The following PACRG variants were observed in gnomAD, a reference collection of about 807,000 sequenced individuals.
The protein encoded by PACRG is parkin coregulated.
PACRG carries 29 observed loss-of-function variants against 29.7 expected under a neutral mutation model. The ratio of observed to expected loss-of-function variants is 0.98; its 90% CI spans 0.73 to 1.33. The LOEUF is 1.33. Ranked by LOEUF, PACRG falls within the 40% of genes most tolerant of loss-of-function variation. The probability of loss-of-function intolerance (pLI) is 0.00; values close to 1 mark genes in which losing one functional copy is unlikely to be tolerated. For synonymous variants in PACRG, 116 were observed against 118.7 expected, an observed-to-expected ratio of 0.98 and a Z score of 0.15; for missense variants, 279 against 316.2, an observed-to-expected ratio of 0.88 and a Z score of 0.89.
At position 163,060,526 on chromosome 6, in the gene PACRG, T is replaced by C. The variant is rs77910689; in HGVS notation, c.292-1624T>C. Reference sequence around the variant, plus strand: ...ATATAAAAGGAAAGTAAAGTAAAACTGATGTCTGTATAAACCTACATTAGG... The same window carrying C: ...ATATAAAAGGAAAGTAAAGTAAAACCGATGTCTGTATAAACCTACATTAGG... On this transcript the variant is annotated intron_variant, in intron 2 of 4. Coordinates refer to ENST00000366888, the MANE Select transcript of PACRG (RefSeq NM_001080379.2). Among the ~76,000 whole-genome samples, 1,262 of 152,294 alleles carry C rather than the reference T, an allele frequency of 8.3e-3. 18 individuals are homozygous for C. Among genetic ancestry groups the C allele is most frequent in the African/African-American group, 0.029 (1,217 of 41,558 alleles).
At chr6:163,093,966 T>C (rs1195497430) in intron 4 of PACRG, among the ~76,000 whole-genome samples, 1 of 152,216 alleles carries the variant, frequency 6.6e-6, no homozygotes, top group Non-Finnish European at 1.5e-5. Context: ...TTCTAAGAAA[T>C]AGAAGTAATT....
chr6:163,261,836 G>T (rs1291355254), intron 4 of PACRG, among the ~76,000 whole-genome samples: 2 of 152,166 alleles, frequency 1.3e-5, no homozygotes, highest in African/African-American at 4.8e-5. Flanking sequence ...GGATACCAAA[G>T]GTTGTGCAGG....
intron 4 of PACRG, among the ~76,000 whole-genome samples, chr6:163,175,015 G>A (rs1779275623): frequency 6.6e-6 from 1 of 152,208 alleles, no homozygotes; most frequent in Admixed American, 6.5e-5. Flanking sequence ...TTTTTGTACA[G>A]GGCCATGTTA....
At chr6:162,854,426 T>C (rs774840748) in intron 2 of PACRG, among the ~76,000 whole-genome samples, 1 of 152,178 alleles carries the variant, frequency 6.6e-6, no homozygotes, top group Non-Finnish European at 1.5e-5. Flanking sequence ...GTTTTGACTT[T>C]GCTCCAGGAA....
intron 2 of PACRG, among the ~76,000 whole-genome samples, chr6:163,048,894 G>T (rs1002399635): frequency 2.0e-5 from 3 of 152,082 alleles, no homozygotes; most frequent in Admixed American, 6.6e-5. Flanking sequence ...CTGAAGGCTT[G>T]CTTTCTGGCT....
chr6:163,266,568 T>C (rs2128177454), intron 4 of PACRG, among the ~76,000 whole-genome samples: 1 of 152,348 alleles, frequency 6.6e-6, no homozygotes, highest in South Asian at 2.1e-4. Context: ...CTGTAAACTC[T>C]GTAGTCTCTC....
At chr6:162,740,088 C>G (rs1780461433) in intron 1 of PACRG, among the ~76,000 whole-genome samples, 1 of 152,030 alleles carries the variant, frequency 6.6e-6, no homozygotes, top group African/African-American at 2.4e-5. Flanking sequence ...CCATTAGTCT[C>G]TTTGTCTGTC....
chr6:162,850,667 G>T (rs552358369), intron 2 of PACRG, among the ~76,000 whole-genome samples: 1 of 152,172 alleles, frequency 6.6e-6, no homozygotes, highest in Non-Finnish European at 1.5e-5. Flanking sequence ...TGGAGAGGGC[G>T]GGGAAGCTCC....
chr6:163,045,106 C>T (rs950721632), intron 2 of PACRG, among the ~76,000 whole-genome samples: 2 of 152,114 alleles, frequency 1.3e-5, no homozygotes, highest in South Asian at 2.1e-4. Flanking sequence ...CTCTGTTGCC[C>T]ATCTTTTGGT....
chr6:163,177,608 G>C (rs1309781532), intron 4 of PACRG, among the ~76,000 whole-genome samples: 1 of 151,992 alleles, frequency 6.6e-6, no homozygotes, highest in East Asian at 1.9e-4. Flanking sequence ...CAGGGCCAAG[G>C]TGTGGCCTGG....
intron 2 of PACRG, among the ~76,000 whole-genome samples, chr6:162,997,238 C>T (rs949831307): frequency 6.6e-6 from 1 of 152,112 alleles, no homozygotes; most frequent in South Asian, 2.1e-4. Context: ...AAGGCAAAAA[C>T]CCTAAAGATT....
chr6:163,056,219 C>A (rs769888931), intron 2 of PACRG, among the ~76,000 whole-genome samples: 7 of 152,172 alleles, frequency 4.6e-5, no homozygotes, highest in Non-Finnish European at 1.0e-4. Flanking sequence ...CCATACAACA[C>A]AGCATTTGCA....
chr6:162,816,930 A>G (rs1223574306), intron 2 of PACRG, among the ~76,000 whole-genome samples: 1 of 152,192 alleles, frequency 6.6e-6, no homozygotes, highest in African/African-American at 2.4e-5. Flanking sequence ...TCTCAATGTC[A>G]TAGCTCATCC....
rs74537967 is a variant in PACRG at position 162,902,593 on chromosome 6, A to G, written c.291+88312A>G. ...ACACTCAGGGCTTGCTATCCCGACA[A>G]TATATCAAAAGAAAAGCAAAACAAG... On this transcript the variant is annotated intron_variant, in intron 2 of 4. Coordinates refer to ENST00000366888, the MANE Select transcript of PACRG (RefSeq NM_001080379.2). Among the ~76,000 whole-genome samples, 220 of 152,342 alleles carry G rather than the reference A, an allele frequency of 1.4e-3. 2 individuals are homozygous for G. The East Asian group carries it at 0.017, about 12-fold the overall frequency.
intron 1 of PACRG, among the ~76,000 whole-genome samples, chr6:162,798,159 G>A (rs989643872): frequency 6.6e-6 from 1 of 152,154 alleles, no homozygotes; most frequent in Admixed American, 6.5e-5. Context: ...GGGCTTCTGG[G>A]TCTAGGCTTC....
chr6:162,776,688 A>AGGGGCTTG (rs761744771), intron 1 of PACRG, among the ~76,000 whole-genome samples: 2 of 152,134 alleles, frequency 1.3e-5, no homozygotes, highest in African/African-American at 2.4e-5. Flanking sequence ...CATACAAGTG[A>AGGGGCTTG]GGGGCTTGGA....
chr6:162,837,741 A>G (rs1446753057), intron 2 of PACRG, among the ~76,000 whole-genome samples: 1 of 152,160 alleles, frequency 6.6e-6, no homozygotes, highest in East Asian at 1.9e-4. Flanking sequence ...GAGTACATAC[A>G]CACCGACCAG....
At chr6:163,217,793 T>C (rs1315574778) in intron 4 of PACRG, among the ~76,000 whole-genome samples, 5 of 152,038 alleles carry the variant, frequency 3.3e-5, no homozygotes, top group Non-Finnish European at 7.4e-5. Context: ...GAGAATCTAA[T>C]GCCTGATGAT....
chr6:163,111,547 T>G (rs1296077208), intron 4 of PACRG, among the ~76,000 whole-genome samples: 1 of 152,254 alleles, frequency 6.6e-6, no homozygotes, highest in Non-Finnish European at 1.5e-5. Flanking sequence ...GCTCTGGTTT[T>G]GAAGTGCCTA....
Sources: gnomAD v4.1 joint callset for allele counts (sites outside exome capture counted in the v4.1 genomes callset) on GRCh38, gnomAD v4.1.1 for gene constraint, MANE v1.5 for transcripts, NCBI Gene and HGNC (gene_info 2026-07-23, HGNC 2026-07-21) for gene names.